CLSTN2: variants seen among roughly 807,000 people sequenced by gnomAD.
CLSTN2 encodes the protein calsyntenin-2.
In CLSTN2, 48 loss-of-function variants were observed where a neutral mutation model predicts 101.2. The ratio of observed to expected loss-of-function variants is 0.47; its 90% CI spans 0.38 to 0.60. The LOEUF (loss-of-function observed/expected upper bound fraction) is 0.60, where lower values mean the gene tolerates loss of function less well. CLSTN2 is among the 20% of genes least tolerant of loss of function. The probability of loss-of-function intolerance (pLI) is 0.00; values close to 1 mark genes in which losing one functional copy is unlikely to be tolerated. For synonymous variants in CLSTN2, 481 were observed against 463.6 expected (o/e 1.04, Z -0.48); for missense variants, 1,160 against 1,238.2 (o/e 0.94, Z 0.95).
intron 2 of CLSTN2, among the ~76,000 whole-genome samples, chr3:140,388,964 C>A (rs2088082983): frequency 6.6e-6 from 1 of 152,062 alleles, no homozygotes; most frequent in Non-Finnish European, 1.5e-5. Flanking sequence ...GTTGAAATGA[C>A]CATATAGTTT....
At chr3:140,058,215 G>C (rs1435837366) in intron 1 of CLSTN2, among the ~76,000 whole-genome samples, 1 of 152,204 alleles carries the variant, frequency 6.6e-6, no homozygotes, top group African/African-American at 2.4e-5. Context: ...AATCAGGTAG[G>C]TGGAAATAAG....
intron 2 of CLSTN2, among the ~76,000 whole-genome samples, chr3:140,328,490 C>T (rs1393343407): frequency 6.6e-6 from 1 of 152,182 alleles, no homozygotes; most frequent in East Asian, 1.9e-4. Context: ...TCCTCTTTAC[C>T]CTCGAGTTTT....
chr3:140,435,556 T>C (rs1023641942), intron 5 of CLSTN2, among the ~76,000 whole-genome samples: 1 of 152,218 alleles, frequency 6.6e-6, no homozygotes, highest in African/African-American at 2.4e-5. Flanking sequence ...TTCAATACAC[T>C]TGATTTCTTT....
At chr3:140,389,532 A>G (rs1285301274) in intron 2 of CLSTN2, among the ~76,000 whole-genome samples, 3 of 152,182 alleles carry the variant, frequency 2.0e-5, no homozygotes, top group African/African-American at 7.2e-5. Context: ...CCAGTCTATC[A>G]TTGATGGGGA....
At chr3:140,034,535 G>A (rs879900987) in intron 1 of CLSTN2, among the ~76,000 whole-genome samples, 25 of 152,196 alleles carry the variant, frequency 1.6e-4, no homozygotes, top group Admixed American at 1.3e-4. Flanking sequence ...CATTCCACAT[G>A]GATGGCACAC....
intron 1 of CLSTN2, among the ~76,000 whole-genome samples, chr3:140,077,679 T>A (rs1439888609): frequency 6.6e-6 from 1 of 151,508 alleles, no homozygotes; most frequent in East Asian, 1.9e-4. Flanking sequence ...TTCCCTCTCA[T>A]GTAGAGGGGA....
chr3:140,332,298 C>T (rs376580704), intron 2 of CLSTN2, among the ~76,000 whole-genome samples: 2 of 152,054 alleles, frequency 1.3e-5, no homozygotes, highest in East Asian at 1.9e-4. Context: ...AATGTTCTTG[C>T]GTTATCAAAC....
Position 140,182,977 on chromosome 3 carries a change from A to G in CLSTN2, c.232+6904A>G, listed in dbSNP as rs114813221. Among the ~76,000 whole-genome samples the G allele has an allele frequency of 1.9e-3, 288 of 152,246 alleles. 1 individual carries two copies. The highest frequency in any genetic ancestry group is 6.6e-3 in the African/African-American group (274 of 41,566). ...GGCTAGAGGAGGGACTAAGAGCCAG[A>G]GTACAGAGGAAGGATGACAGGTGCA... On this transcript the variant is annotated intron_variant, in intron 2 of 16. Coordinates refer to ENST00000458420, the MANE Select transcript of CLSTN2 (RefSeq NM_022131.3).
chr3:140,420,416 A>G (rs1260099442), intron 4 of CLSTN2, among the ~76,000 whole-genome samples: 1 of 152,170 alleles, frequency 6.6e-6, no homozygotes, highest in Admixed American at 6.5e-5. Flanking sequence ...CTAAAATTGT[A>G]TTTCAGCAAA....
chr3:140,330,332 T>G (rs2087370822), intron 2 of CLSTN2, among the ~76,000 whole-genome samples: 1 of 152,228 alleles, frequency 6.6e-6, no homozygotes, highest in Non-Finnish European at 1.5e-5. Context: ...ATTCAGGTGC[T>G]GCCCGGAAGT....
intron 1 of CLSTN2, among the ~76,000 whole-genome samples, chr3:140,017,804 C>T (rs376684049): frequency 3.3e-5 from 5 of 152,214 alleles, no homozygotes; most frequent in Non-Finnish European, 5.9e-5. Context: ...ACAGGCCTGA[C>T]GCAGGCCTTT....
chr3:140,156,787 C>A (rs2009961016), intron 1 of CLSTN2, among the ~76,000 whole-genome samples: 1 of 152,226 alleles, frequency 6.6e-6, no homozygotes, highest in African/African-American at 2.4e-5. Flanking sequence ...TTCTTCCTCT[C>A]CCCTCCACTG....
chr3:140,011,383 C>T (rs2007069679), intron 1 of CLSTN2, among the ~76,000 whole-genome samples: 1 of 152,088 alleles, frequency 6.6e-6, no homozygotes, highest in Admixed American at 6.5e-5. Flanking sequence ...CTATTCTCTT[C>T]CAGGACATGA....
intron 2 of CLSTN2, among the ~76,000 whole-genome samples, chr3:140,283,806 C>T (rs1330827683): frequency 6.6e-6 from 1 of 152,146 alleles, no homozygotes; most frequent in Non-Finnish European, 1.5e-5. Flanking sequence ...ATAATGTTCT[C>T]TGCTCAATCA....
At chr3:140,459,422 G>A in intron 6 of CLSTN2, 99 bp from the exon 7 acceptor site, 1 of 1,381,242 alleles carries the variant, frequency 7.2e-7, no homozygotes, top group Non-Finnish European at 1.0e-6. Context: ...AGACGTCTCT[G>A]AGTAAGTACA....
At chr3:140,074,679 AT>A (rs1210937833) in intron 1 of CLSTN2, among the ~76,000 whole-genome samples, 1 of 152,188 alleles carries the variant, frequency 6.6e-6, no homozygotes, top group East Asian at 1.9e-4. Context: ...AGGCACAGAG[AT>A]TTGTACAATG....
intron 2 of CLSTN2, among the ~76,000 whole-genome samples, chr3:140,230,448 A>G (rs1346672628): frequency 6.6e-6 from 1 of 152,218 alleles, no homozygotes; most frequent in Non-Finnish European, 1.5e-5. Flanking sequence ...CAAAATTTAT[A>G]TGTTGAAACT....
intron 1 of CLSTN2, among the ~76,000 whole-genome samples, chr3:140,077,810 T>C (rs1010182725): frequency 2.0e-5 from 3 of 152,246 alleles, no homozygotes; most frequent in Non-Finnish European, 1.5e-5. Context: ...ATGCTCACTT[T>C]GCCGTAGCTG....
intron 2 of CLSTN2, among the ~76,000 whole-genome samples, chr3:140,385,423 C>T (rs2088039965): frequency 7.5e-6 from 1 of 133,772 alleles, no homozygotes; most frequent in Non-Finnish European, 1.5e-5. Flanking sequence ...GGCTGGAGTG[C>T]AGTGGTGCGA....
Sources: gnomAD v4.1 joint callset for allele counts (sites outside exome capture counted in the v4.1 genomes callset) on GRCh38, gnomAD v4.1.1 for gene constraint, MANE v1.5 for transcripts, NCBI Gene and HGNC (gene_info 2026-07-23, HGNC 2026-07-21) for gene names.